MUC6: variants seen among roughly 807,000 people sequenced by gnomAD.
MUC6 encodes the protein mucin 6, oligomeric mucus/gel-forming (gene/pseudogene), also known as mucin-6.
MUC6 carries 188 observed loss-of-function variants against 201.5 expected under a neutral mutation model. That is an observed-to-expected ratio of 0.93 (90% CI 0.83 to 1.05). The LOEUF is 1.05. Ranked by LOEUF, MUC6 falls within the 50% of genes least tolerant of loss-of-function variation. The pLI, the probability that MUC6 is intolerant of heterozygous loss-of-function variation, is 0.00. For synonymous variants in MUC6, 1,228 were observed against 1,389.4 expected (o/e 0.88, Z 2.58); for missense variants, 2,706 against 3,256.9 (o/e 0.83, Z 4.12).
Position 1,016,380 on chromosome 11 carries a change from C to G in MUC6, c.6421G>C (p.Val2141Leu). Residue 2141 changes from valine to leucine, a missense_variant, in exon 31 of 33, where the codon GTT becomes CTT. Val to Leu is a conservative substitution (Grantham distance 32, BLOSUM62 1). Coordinates refer to ENST00000421673, the MANE Select transcript of MUC6 (RefSeq NM_005961.3). ...FSPSPSAPST[V>L]SSYVPSSHSS... Reference sequence around the variant, plus strand: ...TGGGAGGAGGGCACATAAGAAGAAACAGTAGAGGGGGCAGAAGGACTGGGA... The same window carrying G: ...TGGGAGGAGGGCACATAAGAAGAAAGAGTAGAGGGGGCAGAAGGACTGGGA... 2 of 1,612,582 alleles carry G rather than the reference C, an allele frequency of 1.2e-6. No individual in the cohort carries two copies. Among genetic ancestry groups the G allele is most frequent in the Non-Finnish European group, 1.7e-6 (2 of 1,179,288 alleles).
intron 32 of MUC6, 65 bp downstream of exon 32, chr11:1,013,834 C>A: frequency 6.6e-7 from 1 of 1,524,030 alleles, no homozygotes; most frequent in Non-Finnish European, 8.9e-7. Flanking sequence ...GTGCCCGAAC[C>A]TCTCTGGGGT....
At position 1,016,953 on chromosome 11, in the gene MUC6, G is replaced by A. The variant is rs777995135; in HGVS notation, c.5848C>T (p.Pro1950Ser). The A allele has an allele frequency of 1.9e-6, 3 of 1,613,470 alleles. No individual in the cohort carries two copies. The highest frequency in any genetic ancestry group is 1.7e-4 in the Middle Eastern group (1 of 6,060). The change falls in exon 31 of 33, where the codon CCT becomes TCT. Residue 1950 changes from proline (P) to serine (S), a missense_variant. Pro to Ser is a moderately conservative substitution (Grantham distance 74). Transcript: ENST00000421673. Reference sequence around the variant, plus strand: ...CTGGCCGAGGTGGTGTGGGCCACAGGGGTTCTGGTGCCTGTACTGGTGTGT... The same window carrying A: ...CTGGCCGAGGTGGTGTGGGCCACAGAGGTTCTGGTGCCTGTACTGGTGTGT... ...PKHTSTGTRT[P>S]VAHTTSASSS...
rs531139051 is a variant in MUC6 at position 1,035,483 on chromosome 11, G to A, written c.52+1121C>T. ...CCCCCACATCTCCCACGGTTGAAGGGTGGTGCCCGGCGTGGTAGGGAGCGG... is the reference window on the plus strand; with the variant it reads ...CCCCCACATCTCCCACGGTTGAAGGATGGTGCCCGGCGTGGTAGGGAGCGG... On this transcript the variant is annotated intron_variant, in intron 1 of 32. Coordinates refer to ENST00000421673, the MANE Select transcript of MUC6 (RefSeq NM_005961.3). Among the ~76,000 whole-genome samples the A allele has an allele frequency of 1.7e-4, 26 of 151,232 alleles. No homozygotes were observed. The East Asian group carries it at 3.1e-3, about 18-fold the overall frequency.
At position 1,013,519 on chromosome 11, in the gene MUC6, C is replaced by T; in HGVS notation, c.7257G>A (p.Arg2419=). Residue 2419 remains arginine (R), a synonymous_variant, in exon 33 of 33, where the codon CGG becomes CGA. Coordinates refer to ENST00000421673, the MANE Select transcript of MUC6 (RefSeq NM_005961.3). ...TGAACACCTGCAGGGTGAGTACGAG[C>T]CGCCGGCCAGGCGTGCTGGGATCGG... ...PCPDPSTPGR[R]LVLTLQVFSH... is the part of the protein sequence containing the mutation. 1 of 1,582,236 alleles carries T rather than the reference C, an allele frequency of 6.3e-7. No individual in the cohort carries two copies. Among genetic ancestry groups the T allele is most frequent in the Non-Finnish European group, 8.6e-7 (1 of 1,165,720 alleles).
At chr11:1,023,824 G>T (rs148989610) in intron 25 of MUC6, 123 bp downstream of exon 25, 1 of 1,451,670 alleles carries the variant, frequency 6.9e-7, no homozygotes, top group South Asian at 1.4e-5. Context: ...GGGTGGCCCC[G>T]CAGGGCACAG....
In MUC6 at chr11:1,033,875, G is replaced by A. The variant is rs1043647338; in HGVS notation, c.53-800C>T. Among the ~76,000 whole-genome samples the A allele has an allele frequency of 6.6e-6, 1 of 152,018 alleles. No individual in the cohort carries two copies. The highest frequency in any genetic ancestry group is 2.4e-5 in the African/African-American group (1 of 41,390). ...GTGGTGCGGCACCTGAGCAGGACCC[G>A]TGACCTCTCCAGGCCCTTCTTGGGG... is the stretch of plus-strand genomic sequence containing the variant. On this transcript the variant is annotated intron_variant, in intron 1 of 32. Coordinates refer to ENST00000421673, the MANE Select transcript of MUC6 (RefSeq NM_005961.3). This position sits in a 1 kb window ranked among gnomAD's most constrained non-coding sequence, Gnocchi z 5.6.
intron 19 of MUC6, 38 bp downstream of exon 19, chr11:1,026,903 G>A: frequency 6.7e-7 from 1 of 1,501,666 alleles, no homozygotes; most frequent in East Asian, 2.5e-5. Context: ...TTCAGCTGGG[G>A]CCCGGGCATT....
intron 26 of MUC6, among the ~76,000 whole-genome samples, chr11:1,023,021 T>C (rs1271809395): frequency 6.6e-6 from 1 of 150,972 alleles, no homozygotes; most frequent in African/African-American, 2.4e-5. Context: ...CATGAATGAA[T>C]GTGAATGTGT....
chr11:1,024,911 C>T lies in MUC6; in HGVS notation c.3158G>A (p.Arg1053Gln), dbSNP rs765187032. ...GCACTTGCGCTCGGCCCAGGAGCGC[C>T]GGAAGGCATTGAGACTGCAGGGGTC... ...VTDPCSLNAFRRSWAERKCSV... is the reference protein window; with the variant it reads ...VTDPCSLNAFQRSWAERKCSV... The change falls in exon 24 of 33, where the codon CGG becomes CAG. Residue 1053 changes from arginine to glutamine, a missense_variant. Physicochemically the swap from Arg to Gln is conservative, Grantham distance 43. Coordinates refer to ENST00000421673, the MANE Select transcript of MUC6 (RefSeq NM_005961.3). 62 of 1,612,710 alleles carry T rather than the reference C, an allele frequency of 3.8e-5. No individual in the cohort carries two copies. The highest frequency in any genetic ancestry group is 3.3e-4 in the Middle Eastern group (2 of 6,084).
Position 1,025,097 on chromosome 11 carries a change from CATCAGGCCG to C in MUC6, c.2986-23_2986-15del. ...GCAGAGGGGATCCTGCAGACGGTGG[CATCAGGCCG>C]GGCCCAGGGGCCGTGCCATCTGTCT... is the stretch of plus-strand genomic sequence containing the variant. On this transcript the variant is annotated splice_polypyrimidine_tract_variant and intron_variant, in intron 23 of 32. Coordinates refer to ENST00000421673, the MANE Select transcript of MUC6 (RefSeq NM_005961.3). The C allele has an allele frequency of 6.2e-7, 1 of 1,612,840 alleles. No individual in the cohort carries two copies. Among genetic ancestry groups the C allele is most frequent in the Non-Finnish European group, 8.5e-7 (1 of 1,179,814 alleles).
At chr11:1,031,145 C>T in intron 5 of MUC6, 24 bp downstream of exon 5, 2 of 688,080 alleles carry the variant, frequency 2.9e-6, no homozygotes, top group Non-Finnish European at 4.4e-6. Flanking sequence ...CCCCCAGAGG[C>T]CCCCCAGCCC....
chr11:1,025,874 G>T lies in MUC6; in HGVS notation c.2730C>A (p.Ile910=). The change falls in exon 22 of 33, where the codon ATC becomes ATA. Residue 910 remains isoleucine (I), a synonymous_variant. Transcript: ENST00000421673. ...GVNDSQPTFK[I]LTENVICGNS... The stretch of plus-strand genomic sequence containing the variant: ...TCCCACAGATGACGTTCTCTGTCAG[G>T]ATCTTGAAGGTGGGCTGTGAGTCGT... 1 of 1,612,782 alleles carries T rather than the reference G, an allele frequency of 6.2e-7. No homozygotes were observed. The highest frequency in any genetic ancestry group is 8.5e-7 in the Non-Finnish European group (1 of 1,179,680).
At chr11:1,014,402 G>A (rs994628618) in intron 31 of MUC6, among the ~76,000 whole-genome samples, 16 of 152,174 alleles carry the variant, frequency 1.1e-4, no homozygotes, top group African/African-American at 3.9e-4. Context: ...CGAGGACACC[G>A]TGCCAGTGAC....
chr11:1,026,101 G>T lies in MUC6; in HGVS notation c.2587C>A (p.His863Asn), dbSNP rs757497533. The T allele has an allele frequency of 1.0e-5, 16 of 1,600,670 alleles. No homozygotes were observed. Among genetic ancestry groups the T allele is most frequent in the Non-Finnish European group, 1.4e-5 (16 of 1,174,498 alleles). Residue 863 changes from histidine to asparagine, a missense_variant, in exon 21 of 33, where the codon CAC (histidine) becomes AAC (asparagine). His to Asn is a moderately conservative substitution (Grantham distance 68). Transcript: ENST00000421673. ...TAGAGGGTGCAGGTGGATGGGCAGT[G>T]GGTGCCCTGCTGACAGGCCCACCTC... is the stretch of plus-strand genomic sequence containing the variant. ...RGRWACQQGT[H>N]CPSTCTLYGE...
chr11:1,030,629 C>A lies in MUC6; in HGVS notation c.836G>T (p.Arg279Leu). Reference protein sequence around the residue: ...SSCATLSEYSRQCSMVGQPVR... With the variant: ...SSCATLSEYSLQCSMVGQPVR... ...CGGCTGGCCCACCATGCTGCACTGG[C>A]GGGAGTACTCCGACAGGGTGGCACA... The change falls in exon 7 of 33, where the codon CGC becomes CTC. Residue 279 changes from arginine to leucine, a missense_variant. Physicochemically the swap from Arg to Leu is moderately radical, Grantham distance 102. Transcript: ENST00000421673. 1 of 1,539,446 alleles carries A rather than the reference C, an allele frequency of 6.5e-7. No homozygotes were observed.
Position 1,029,477 on chromosome 11 carries a change from C to T in MUC6, c.1136+18G>A, listed in dbSNP as rs1388974472. 1.9e-6 allele frequency: 3 copies of T among 1,611,184 alleles called. No homozygotes were observed. The highest frequency in any genetic ancestry group is 1.3e-5 in the African/African-American group (1 of 75,010). On this transcript the variant is annotated intron_variant, in intron 9 of 32. Coordinates refer to ENST00000421673, the MANE Select transcript of MUC6 (RefSeq NM_005961.3). ...ACCCCTGCCGGCCGGCCAGAGCCCCCTCCGGCGCCTCACTCACCAGGTTTG... is the reference window on the plus strand; with the variant it reads ...ACCCCTGCCGGCCGGCCAGAGCCCCTTCCGGCGCCTCACTCACCAGGTTTG...
At position 1,025,251 on chromosome 11, in the gene MUC6, C is replaced by T. The variant is rs1360463841; in HGVS notation, c.2916G>A (p.Gly972=). Residue 972 remains glycine (G), a synonymous_variant, in exon 23 of 33, where the codon GGG becomes GGA. Transcript: ENST00000421673. ...TCCAGATGAGCGTCAGGTTGTACCT[C>T]CCGGGGATGCTGATGTCCACGACAA... ...LSLVVDISIP[G]RYNLTLIWNR... is the part of the protein sequence containing the mutation. The T allele has an allele frequency of 3.1e-6, 5 of 1,612,796 alleles. No individual in the cohort carries two copies. The highest frequency in any genetic ancestry group is 4.2e-6 in the Non-Finnish European group (5 of 1,179,836).
At position 1,027,862 on chromosome 11, in the gene MUC6, C is replaced by T. The variant is rs747143342; in HGVS notation, c.1849-45G>A. 7 of 1,597,146 alleles carry T rather than the reference C, an allele frequency of 4.4e-6. No individual in the cohort carries two copies. In the Admixed American group the frequency reaches 1.2e-4, roughly 27 times the overall value. On this transcript the variant is annotated intron_variant, in intron 15 of 32. Coordinates refer to ENST00000421673, the MANE Select transcript of MUC6 (RefSeq NM_005961.3). ...ATGGGCTGGTGGCAGGCACCCTGCCCTGGGGACATGGGGGTCCCAAACCTA... is the reference window on the plus strand; with the variant it reads ...ATGGGCTGGTGGCAGGCACCCTGCCTTGGGGACATGGGGGTCCCAAACCTA...
intron 14 of MUC6, 29 bp from the exon 15 acceptor site, chr11:1,028,088 C>T (rs75016849): frequency 0.066 from 102,251 of 1,553,208 alleles, 3,971 homozygotes; most frequent in Non-Finnish European, 0.078. Context: ...GGCGTGAGTC[C>T]CGGCCCCTCC....
Sources: allele counts gnomAD v4.1 joint callset (sites outside exome capture counted in the v4.1 genomes callset), GRCh38; gene constraint gnomAD v4.1.1; non-coding constraint Gnocchi (gnomAD v3.1); transcripts MANE v1.5; gene names NCBI Gene and HGNC (gene_info 2026-07-23, HGNC 2026-07-21).